The following DEPDC5 variants were observed in gnomAD, a reference collection of about 807,000 sequenced individuals.
DEPDC5 encodes GATOR1 complex protein DEPDC5.
In DEPDC5, 73 loss-of-function variants were observed where a neutral mutation model predicts 217.3. The observed-to-expected ratio is 0.34, with a 90% CI of 0.28 to 0.41. The LOEUF (loss-of-function observed/expected upper bound fraction) is 0.41, where lower values mean the gene tolerates loss of function less well. Among genes scored for constraint, DEPDC5 ranks in the 10% least tolerant of loss-of-function variants. DEPDC5 has a pLI of 1.00. For synonymous variants in DEPDC5, 733 were observed against 756.7 expected (o/e 0.97, Z 0.51); for missense variants, 1,675 against 2,070.1 (o/e 0.81, Z 3.70).
rs1016661740 is a variant in DEPDC5, at chr22:31,821,225, T to C, written c.1871-277T>C. ...CAAGGGGCCATGCCTCCTATACTTG[T>C]ATATTTCACTGTGGCTATTCAGTTG... On this transcript the variant is annotated intron_variant, in intron 22 of 42. Coordinates refer to ENST00000651528, the MANE Select transcript of DEPDC5 (RefSeq NM_001242896.3). Among the ~76,000 whole-genome samples the C allele has an allele frequency of 1.2e-4, 18 of 152,230 alleles. 1 individual carries two copies. The highest frequency in any genetic ancestry group is 1.1e-3 in the Admixed American group (17 of 15,284).
At chr22:31,844,876 A>G in intron 29 of DEPDC5, 142 bp from the exon 30 acceptor site, 1 of 861,714 alleles carries the variant, frequency 1.2e-6, no homozygotes, top group Non-Finnish European at 1.8e-6. Flanking sequence ...ATTTTCAACA[A>G]AGCCATGAGC....
chr22:31,786,819 G>A (rs1011026088), intron 10 of DEPDC5, among the ~76,000 whole-genome samples: 1 of 151,880 alleles, frequency 6.6e-6, no homozygotes, highest in Non-Finnish European at 1.5e-5. Context: ...TTTGTTGCCC[G>A]GGCTACTCTT....
chr22:31,877,749 C>CAAAAAAAAAAAAAAAAA (rs136870), intron 37 of DEPDC5, among the ~76,000 whole-genome samples: 1 of 62,862 alleles, frequency 1.6e-5, no homozygotes, highest in Non-Finnish European at 2.8e-5. Flanking sequence ...GACTCCATCT[C>CAAAAAAAAAAAAAAAAA]AAAAAAAAAA....
chr22:31,837,305 TA>T, intron 26 of DEPDC5, 150 bp downstream of exon 26: 1 of 701,132 alleles, frequency 1.4e-6, no homozygotes, highest in East Asian at 3.1e-5. Context: ...GGCCGTTAAA[TA>T]AAAAATTTTA....
chr22:31,775,013 T>G (rs941729391), intron 7 of DEPDC5, among the ~76,000 whole-genome samples: 1 of 147,974 alleles, frequency 6.8e-6, no homozygotes, highest in African/African-American at 2.4e-5. Context: ...CAAAGGAGTA[T>G]GAAAAAGCAT....
intron 24 of DEPDC5, among the ~76,000 whole-genome samples, chr22:31,829,326 G>A (rs970449891): frequency 6.6e-6 from 1 of 152,172 alleles, no homozygotes; most frequent in African/African-American, 2.4e-5. Context: ...GAAGTCAGGA[G>A]TTCGAGACCA....
At chr22:31,829,088 G>A (rs571834291) in intron 24 of DEPDC5, among the ~76,000 whole-genome samples, 1 of 152,210 alleles carries the variant, frequency 6.6e-6, no homozygotes, top group Admixed American at 6.5e-5. Flanking sequence ...TGGGCATAAA[G>A]ATCCTCCCCT....
At chr22:31,844,799 C>T (rs1006646239) in intron 29 of DEPDC5, 11 of 482,730 alleles carry the variant, frequency 2.3e-5, no homozygotes, top group Non-Finnish European at 3.6e-5. Flanking sequence ...AAGCAATCCT[C>T]CTGCCTCGGC....
chr22:31,879,958 G>A, intron 38 of DEPDC5: 1 of 578,160 alleles, frequency 1.7e-6, no homozygotes, highest in Non-Finnish European at 3.1e-6. Flanking sequence ...CCAACAGACG[G>A]TATTTAGCAC....
Position 31,762,593 on chromosome 22 carries a change from G to A in DEPDC5, c.193+1891G>A, listed in dbSNP as rs554133217. On this transcript the variant is annotated intron_variant, in intron 4 of 42. Transcript: ENST00000651528. ...AGCCTGACCAACATGGTAAAACCCCGTCTCTACTAAAAATATAAAATTAGC... is the reference window on the plus strand; with the variant it reads ...AGCCTGACCAACATGGTAAAACCCCATCTCTACTAAAAATATAAAATTAGC... 6.6e-5 allele frequency among the ~76,000 whole-genome samples: 10 copies of A among 152,122 alleles called. No homozygotes were observed. In the South Asian group the frequency reaches 1.7e-3, roughly 25 times the overall value.
intron 41 of DEPDC5, among the ~76,000 whole-genome samples, chr22:31,902,016 C>T (rs1339627499): frequency 6.6e-6 from 1 of 152,136 alleles, no homozygotes; most frequent in Non-Finnish European, 1.5e-5. Flanking sequence ...TTTCAGACCT[C>T]ATTATTTTCT....
At chr22:31,885,652 G>C (rs1343670747) in intron 38 of DEPDC5, among the ~76,000 whole-genome samples, 1 of 150,400 alleles carries the variant, frequency 6.6e-6, no homozygotes, top group Non-Finnish European at 1.5e-5. Flanking sequence ...GTGAACCTGG[G>C]AGGCAGAGCT....
chr22:31,771,209 T>G (rs1312815272), intron 7 of DEPDC5, among the ~76,000 whole-genome samples: 1 of 152,202 alleles, frequency 6.6e-6, no homozygotes, highest in Non-Finnish European at 1.5e-5. Context: ...AGAATCCTTC[T>G]GTAAATAATT....
intron 10 of DEPDC5, among the ~76,000 whole-genome samples, chr22:31,790,629 A>G (rs548357221): frequency 2.0e-5 from 3 of 152,176 alleles, no homozygotes; most frequent in Admixed American, 2.0e-4. Context: ...AAATTAAAAA[A>G]CACTGTAGGC....
chr22:31,760,444 T>C (rs1004132682), intron 3 of DEPDC5, among the ~76,000 whole-genome samples: 1 of 152,178 alleles, frequency 6.6e-6, no homozygotes, highest in African/African-American at 2.4e-5. Context: ...GACCTCGTGG[T>C]CCACCTGCCT....
intron 7 of DEPDC5, among the ~76,000 whole-genome samples, chr22:31,772,887 T>G (rs919778831): frequency 6.6e-6 from 1 of 152,054 alleles, no homozygotes; most frequent in African/African-American, 2.4e-5. Flanking sequence ...TTTCAAGTGA[T>G]TCTCCTACCT....
intron 41 of DEPDC5, among the ~76,000 whole-genome samples, chr22:31,902,538 C>T (rs1161879605): frequency 6.6e-6 from 1 of 151,558 alleles, no homozygotes; most frequent in Non-Finnish European, 1.5e-5. Flanking sequence ...CTTCACAGAC[C>T]TAGCTCAGGT....
intron 8 of DEPDC5, among the ~76,000 whole-genome samples, chr22:31,779,551 G>A (rs2084214455): frequency 1.3e-5 from 2 of 152,196 alleles, no homozygotes; most frequent in South Asian, 4.1e-4. Flanking sequence ...AAGGTGGTTA[G>A]AACCAGTTTA....
At chr22:31,855,089 A>G (rs1210253724) in intron 31 of DEPDC5, among the ~76,000 whole-genome samples, 2 of 148,700 alleles carry the variant, frequency 1.3e-5, no homozygotes, top group Admixed American at 1.3e-4. Flanking sequence ...CTCAGCCTCC[A>G]GAGTAGCTGG....
Sources: gnomAD v4.1 joint callset for allele counts (sites outside exome capture counted in the v4.1 genomes callset) on GRCh38, gnomAD v4.1.1 for gene constraint, MANE v1.5 for transcripts, NCBI Gene and HGNC (gene_info 2026-07-23, HGNC 2026-07-21) for gene names.